SUSD4: variants seen among roughly 807,000 people sequenced by gnomAD.
SUSD4 encodes the protein sushi domain-containing protein 4.
Under a neutral mutation model 50.5 loss-of-function variants are expected in SUSD4, and 41 were observed. That is an observed-to-expected ratio of 0.81 (90% confidence interval 0.63 to 1.05). SUSD4 has a LOEUF of 1.05. SUSD4 is among the 50% of genes least tolerant of loss of function. SUSD4 has a pLI of 0.00. For synonymous variants in SUSD4, 257 were observed against 257.3 expected (o/e 1.00, Z 0.01); for missense variants, 580 against 634.7 (o/e 0.91, Z 0.93).
intron 2 of SUSD4, among the ~76,000 whole-genome samples, chr1:223,301,854 C>T (rs929056568): frequency 1.3e-5 from 2 of 152,186 alleles, no homozygotes; most frequent in Non-Finnish European, 2.9e-5. Flanking sequence ...TTAACCATCT[C>T]CTTACTGCCA....
chr1:223,236,005 C>T (rs1660195681), intron 5 of SUSD4, among the ~76,000 whole-genome samples: 1 of 152,198 alleles, frequency 6.6e-6, no homozygotes, highest in African/African-American at 2.4e-5. Flanking sequence ...CCTGTTGCTC[C>T]ACATCCTCTT....
At chr1:223,304,250 AC>A (rs1319734368) in intron 2 of SUSD4, among the ~76,000 whole-genome samples, 1 of 152,334 alleles carries the variant, frequency 6.6e-6, no homozygotes, top group African/African-American at 2.4e-5. Context: ...AGGTCCGTTC[AC>A]AGGCTCTCTG....
At chr1:223,309,614 A>G (rs1307583996) in intron 2 of SUSD4, among the ~76,000 whole-genome samples, 1 of 152,152 alleles carries the variant, frequency 6.6e-6, no homozygotes, top group African/African-American at 2.4e-5. Flanking sequence ...ATTTAGAGAA[A>G]TACAGGAAGG....
At chr1:223,293,189 G>A (rs760611725) in intron 2 of SUSD4, among the ~76,000 whole-genome samples, 5 of 152,124 alleles carry the variant, frequency 3.3e-5, no homozygotes, top group Non-Finnish European at 5.9e-5. Context: ...GTCTATGGTA[G>A]GGGTGGCTGG....
chr1:223,325,093 C>T (rs1215144259), intron 2 of SUSD4, among the ~76,000 whole-genome samples: 1 of 152,010 alleles, frequency 6.6e-6, no homozygotes, highest in East Asian at 1.9e-4. Flanking sequence ...TAGGTCATAC[C>T]CAGCCAGGAC....
At chr1:223,274,430 G>A (rs766445207) in intron 3 of SUSD4, among the ~76,000 whole-genome samples, 2 of 152,146 alleles carry the variant, frequency 1.3e-5, no homozygotes, top group South Asian at 4.2e-4. Flanking sequence ...ATATTTAAAG[G>A]ACACTGACTC....
chr1:223,233,868 A>C (rs1021792730), intron 5 of SUSD4, among the ~76,000 whole-genome samples: 2 of 150,862 alleles, frequency 1.3e-5, no homozygotes, highest in Non-Finnish European at 2.9e-5. Context: ...CATTATTAGC[A>C]ACAGGGCTTT....
chr1:223,334,219 G>A (rs1025917695), intron 2 of SUSD4, among the ~76,000 whole-genome samples: 99 of 152,016 alleles, frequency 6.5e-4, no homozygotes, highest in Non-Finnish European at 2.9e-5. Flanking sequence ...AGGAAACAGA[G>A]GAAGAGTTCC....
chr1:223,228,540 C>T (rs1327927834), intron 6 of SUSD4, among the ~76,000 whole-genome samples: 2 of 152,212 alleles, frequency 1.3e-5, no homozygotes, highest in African/African-American at 4.8e-5. Context: ...GCCCCAGTCT[C>T]TATCCTGTGG....
intron 2 of SUSD4, among the ~76,000 whole-genome samples, chr1:223,317,101 G>C: frequency 6.6e-6 from 1 of 152,308 alleles, no homozygotes; most frequent in East Asian, 1.9e-4. Flanking sequence ...TTAAGGCATT[G>C]TAAGCCACAG....
At chr1:223,288,741 T>C (rs897303947) in intron 3 of SUSD4, among the ~76,000 whole-genome samples, 1 of 152,224 alleles carries the variant, frequency 6.6e-6, no homozygotes, top group Non-Finnish European at 1.5e-5. Flanking sequence ...CTTTCTCTCA[T>C]ATAATACTTA....
Position 223,227,796 on chromosome 1 carries a change from G to C in SUSD4, c.917-58C>G. The C allele has an allele frequency of 6.5e-7, 1 of 1,536,550 alleles. No homozygotes were observed. On this transcript the variant is annotated intron_variant, in intron 6 of 8. Transcript: ENST00000366878. This position sits in a 1 kb window ranked among gnomAD's most constrained non-coding sequence, Gnocchi z 4.5. ...CTCCCAGACCATGAGAGGTGCCGAGGTTCCCCGTGGGCTCATTTGCTGGAT... is the reference window on the plus strand; with the variant it reads ...CTCCCAGACCATGAGAGGTGCCGAGCTTCCCCGTGGGCTCATTTGCTGGAT...
intron 3 of SUSD4, among the ~76,000 whole-genome samples, chr1:223,274,313 T>C (rs1263380039): frequency 5.3e-5 from 8 of 152,188 alleles, no homozygotes; most frequent in African/African-American, 1.9e-4. Flanking sequence ...CAAAAATCAA[T>C]GCTCTTCAGA....
chr1:223,258,498 T>C (rs1318443219), intron 5 of SUSD4, among the ~76,000 whole-genome samples: 1 of 151,498 alleles, frequency 6.6e-6, no homozygotes, highest in African/African-American at 2.4e-5. Flanking sequence ...TCTGTCCATG[T>C]GGGCTCTGAG....
intron 3 of SUSD4, among the ~76,000 whole-genome samples, chr1:223,274,997 C>T (rs969308897): frequency 6.6e-6 from 1 of 152,150 alleles, no homozygotes; most frequent in Admixed American, 6.5e-5. Flanking sequence ...GTGCTGTGTA[C>T]ACTGCTATAT....
rs542908961 is a variant in SUSD4, at chr1:223,231,847, C to T, written c.725-2459G>A. Among the ~76,000 whole-genome samples the T allele has an allele frequency of 4.5e-4, 69 of 152,318 alleles. No individual in the cohort carries two copies. The highest frequency in any genetic ancestry group is 1.7e-3 in the East Asian group (9 of 5,172). On this transcript the variant is annotated intron_variant, in intron 5 of 8. Transcript: ENST00000366878. The surrounding 1 kb of genome is among the most constrained non-coding windows in gnomAD (Gnocchi z 4.2). ...CCTGCACTGCTGGAGCATTCCCCAG[C>T]GCTGTTGTACGCTCAGGAGGCCGGC...
chr1:223,248,652 G>A (rs1378156410), intron 5 of SUSD4, among the ~76,000 whole-genome samples: 1 of 146,208 alleles, frequency 6.8e-6, no homozygotes, highest in Non-Finnish European at 1.5e-5. Context: ...ATGAGGCTGG[G>A]GCTTTGCTTG....
intron 2 of SUSD4, among the ~76,000 whole-genome samples, chr1:223,346,987 T>C (rs1309868415): frequency 6.6e-6 from 1 of 151,998 alleles, no homozygotes; most frequent in Admixed American, 6.6e-5. Flanking sequence ...TTCACAAATA[T>C]TTTTTTTCAT....
At chr1:223,281,652 T>C (rs140262168) in intron 3 of SUSD4, among the ~76,000 whole-genome samples, 75,621 of 151,888 alleles carry the variant, frequency 0.5, 21,073 homozygotes, top group African/African-American at 0.76. Flanking sequence ...CGAATTCTAC[T>C]AGAGGTACAA....
Sources: gnomAD v4.1 joint callset for allele counts (sites outside exome capture counted in the v4.1 genomes callset) on GRCh38, gnomAD v4.1.1 for gene constraint, Gnocchi (gnomAD v3.1) non-coding constraint, MANE v1.5 for transcripts, NCBI Gene and HGNC (gene_info 2026-07-23, HGNC 2026-07-21) for gene names.